Variants in UNC79 observed in about 807,000 individuals in gnomAD.
The protein encoded by UNC79 is protein unc-79 homolog.
UNC79 carries 37 observed loss-of-function variants against 283.1 expected under a neutral mutation model. The ratio of observed to expected loss-of-function variants is 0.13; its 90% CI spans 0.10 to 0.17. The LOEUF (loss-of-function observed/expected upper bound fraction) is 0.17, where lower values mean the gene tolerates loss of function less well. Ranked by LOEUF, UNC79 falls within the 10% of genes least tolerant of loss-of-function variation. The pLI, the probability that UNC79 is intolerant of heterozygous loss-of-function variation, is 1.00. For missense variants in UNC79, 2,272 were observed against 3,211.1 expected (o/e 0.71, Z 7.07); for synonymous variants, 1,107 against 1,200.2 (o/e 0.92, Z 1.61).
intron 1 of UNC79, among the ~76,000 whole-genome samples, chr14:93,362,035 A>G (rs1216829893): frequency 1.3e-5 from 2 of 152,150 alleles, no homozygotes; most frequent in Non-Finnish European, 2.9e-5. Context: ...CAGGAATAAA[A>G]CCTACATAAT....
intron 1 of UNC79, among the ~76,000 whole-genome samples, chr14:93,409,571 G>A (rs2055294332): frequency 6.6e-6 from 1 of 152,098 alleles, no homozygotes; most frequent in African/African-American, 2.4e-5. Flanking sequence ...GCATGCTCCT[G>A]TAGTCCCAGT....
chr14:93,487,578 T>G, intron 4 of UNC79, 85 bp from the exon 5 acceptor site: 1 of 1,103,610 alleles, frequency 9.1e-7, no homozygotes, highest in Non-Finnish European at 1.3e-6. Flanking sequence ...TTTTTAAAGT[T>G]CCTTCTTATC....
chr14:93,659,738 G>A (rs1354764058), intron 39 of UNC79, among the ~76,000 whole-genome samples: 5 of 151,980 alleles, frequency 3.3e-5, no homozygotes, highest in African/African-American at 7.3e-5. Context: ...CATCATCATC[G>A]AAACAACAAC....
At chr14:93,586,186 C>G (rs2064214236) in intron 20 of UNC79, among the ~76,000 whole-genome samples, 1 of 152,122 alleles carries the variant, frequency 6.6e-6, no homozygotes, top group Non-Finnish European at 1.5e-5. Flanking sequence ...CATCCAAACA[C>G]CTCTCTTTAA....
chr14:93,607,279 T>A (rs929407914), intron 26 of UNC79, among the ~76,000 whole-genome samples: 4 of 152,252 alleles, frequency 2.6e-5, no homozygotes, highest in African/African-American at 9.6e-5. Flanking sequence ...AATTATATCA[T>A]GTTCCTCATC....
chr14:93,686,975 T>A (rs2074288867), intron 43 of UNC79, among the ~76,000 whole-genome samples: 1 of 152,222 alleles, frequency 6.6e-6, no homozygotes, highest in Non-Finnish European at 1.5e-5. Context: ...GGTGGTGTAG[T>A]ACTTGCTCAA....
intron 1 of UNC79, among the ~76,000 whole-genome samples, chr14:93,444,139 T>C (rs2056395634): frequency 6.6e-6 from 1 of 152,230 alleles, no homozygotes; most frequent in Non-Finnish European, 1.5e-5. Flanking sequence ...ACTTTAGTCT[T>C]TCTAGTTGGT....
At chr14:93,549,518 C>G (rs2061767267) in intron 14 of UNC79, among the ~76,000 whole-genome samples, 1 of 152,218 alleles carries the variant, frequency 6.6e-6, no homozygotes, top group South Asian at 2.1e-4. Flanking sequence ...TGGGTTAGTT[C>G]CTATATTTCT....
intron 1 of UNC79, among the ~76,000 whole-genome samples, chr14:93,418,629 A>G (rs1390905374): frequency 6.6e-6 from 1 of 151,736 alleles, no homozygotes. Context: ...CCAGAGGTGG[A>G]GCCTACAGAG....
In UNC79 at chr14:93,555,047, G is replaced by T. The variant is rs1437281878; in HGVS notation, c.1755+12351G>T. Among the ~76,000 whole-genome samples, 5 of 152,130 alleles carry T rather than the reference G, an allele frequency of 3.3e-5. No individual in the cohort carries two copies. The East Asian group carries it at 9.6e-4, about 29-fold the overall frequency. ...CAGGCAAGTCAAACAGTTATCAAAAGTCATAGAAGCAGTTTATAATCTTAA... is the reference window on the plus strand; with the variant it reads ...CAGGCAAGTCAAACAGTTATCAAAATTCATAGAAGCAGTTTATAATCTTAA... On this transcript the variant is annotated intron_variant, in intron 14 of 48. Coordinates refer to ENST00000555664, the Ensembl canonical transcript of UNC79.
intron 2 of UNC79, 31 bp downstream of exon 2, chr14:93,467,822 G>A (rs1372705544): frequency 2.0e-6 from 3 of 1,475,074 alleles, no homozygotes; most frequent in African/African-American, 2.9e-5. Flanking sequence ...TACTTTGAGA[G>A]AATTATTAGG....
At chr14:93,634,274 A>G (rs954906330) in intron 31 of UNC79, among the ~76,000 whole-genome samples, 4 of 152,354 alleles carry the variant, frequency 2.6e-5, no homozygotes, top group African/African-American at 7.2e-5. Context: ...TCATTCAGTT[A>G]TAACTGGGAT....
At chr14:93,388,912 G>T (rs2054830300) in intron 1 of UNC79, among the ~76,000 whole-genome samples, 1 of 152,160 alleles carries the variant, frequency 6.6e-6, no homozygotes. Context: ...ATGTATCCAG[G>T]TTGGCTTCTT....
At chr14:93,608,199 CGAA>C (rs2066023259) in intron 26 of UNC79, among the ~76,000 whole-genome samples, 1 of 152,036 alleles carries the variant, frequency 6.6e-6, no homozygotes, top group Non-Finnish European at 1.5e-5. Context: ...CTAGGAAATA[CGAA>C]GAATACAAAG....
At chr14:93,646,103 T>C (rs1157621902) in intron 34 of UNC79, among the ~76,000 whole-genome samples, 1 of 152,214 alleles carries the variant, frequency 6.6e-6, no homozygotes, top group Non-Finnish European at 1.5e-5. Context: ...ATGCTCCATA[T>C]CGTTTACTTA....
intron 1 of UNC79, among the ~76,000 whole-genome samples, chr14:93,390,529 A>G (rs2054862668): frequency 1.3e-5 from 2 of 152,186 alleles, no homozygotes; most frequent in Non-Finnish European, 2.9e-5. Context: ...AACTGTCACT[A>G]TTTGCTGGTA....
Position 93,434,976 on chromosome 14 carries a change from A to AT in UNC79, c.22+3927dup, listed in dbSNP as rs2056027369. Among the ~76,000 whole-genome samples the AT allele has an allele frequency of 2.0e-5, 3 of 152,328 alleles. No homozygotes were observed. In the South Asian group the frequency reaches 6.2e-4, roughly 32 times the overall value. ...ATAAACAATTTTAAGAGTGTAGCTG[A>AT]TTAGCACTATGACTTGAAGTTGAAC... On this transcript the variant is annotated intron_variant, in intron 1 of 48. Coordinates refer to ENST00000555664, the Ensembl canonical transcript of UNC79.
intron 40 of UNC79, among the ~76,000 whole-genome samples, chr14:93,665,644 A>G (rs2072111722): frequency 6.6e-6 from 1 of 151,990 alleles, no homozygotes. Context: ...TTTCAGAAAA[A>G]CCAAGGGAAA....
At chr14:93,701,804 A>G (rs569736270) in intron 47 of UNC79, among the ~76,000 whole-genome samples, 10 of 152,330 alleles carry the variant, frequency 6.6e-5, no homozygotes, top group African/African-American at 2.4e-4. Flanking sequence ...TTGCAGGTAT[A>G]TTTTAGAATC....
Sources: allele counts gnomAD v4.1 joint callset (sites outside exome capture counted in the v4.1 genomes callset), GRCh38; gene constraint gnomAD v4.1.1; transcripts MANE v1.5; gene names NCBI Gene and HGNC (gene_info 2026-07-23, HGNC 2026-07-21).